Variants in CDH8 observed in about 807,000 individuals in gnomAD.
The protein encoded by CDH8 is cadherin-8.
A neutral mutation model predicts 68.1 loss-of-function variants in CDH8; 17 were observed. That is an observed-to-expected ratio of 0.25 (90% CI 0.17 to 0.37). CDH8 has a LOEUF of 0.37. Ranked by LOEUF, CDH8 falls within the 10% of genes least tolerant of loss-of-function variation. The pLI is 1.00. For synonymous variants in CDH8, 372 were observed against 365.1 expected, an observed-to-expected ratio of 1.02 and a Z score of -0.21; for missense variants, 763 against 999.3, an observed-to-expected ratio of 0.76 and a Z score of 3.19.
At chr16:61,818,598 G>A (rs926209699) in intron 6 of CDH8, among the ~76,000 whole-genome samples, 3 of 152,140 alleles carry the variant, frequency 2.0e-5, no homozygotes, top group Non-Finnish European at 4.4e-5. Context: ...CAATGACCTA[G>A]GTAAGTAAAG....
intron 2 of CDH8, among the ~76,000 whole-genome samples, chr16:61,981,170 C>A (rs559935816): frequency 9.2e-5 from 14 of 152,046 alleles, no homozygotes; most frequent in African/African-American, 2.4e-4. Context: ...GGCAACAGAA[C>A]CAGTCAGATT....
At chr16:61,824,918 C>T (rs1962294512) in intron 5 of CDH8, 94 bp downstream of exon 5, 2 of 1,041,150 alleles carry the variant, frequency 1.9e-6, no homozygotes, top group East Asian at 2.6e-5. Flanking sequence ...TCAATAGTTG[C>T]TGTCAGGTTT....
chr16:61,851,361 T>C (rs1460078780), intron 4 of CDH8, among the ~76,000 whole-genome samples: 1 of 152,088 alleles, frequency 6.6e-6, no homozygotes, highest in Admixed American at 6.6e-5. Context: ...AAAAGGTCAA[T>C]GAATTAACTT....
intron 4 of CDH8, among the ~76,000 whole-genome samples, chr16:61,832,632 A>T (rs1962485443): frequency 6.6e-6 from 1 of 151,702 alleles, no homozygotes; most frequent in Admixed American, 6.6e-5. Context: ...CTGGTTACTC[A>T]TATTTTTAGT....
intron 3 of CDH8, among the ~76,000 whole-genome samples, chr16:61,897,244 A>G (rs1963883439): frequency 6.6e-6 from 1 of 152,000 alleles, no homozygotes; most frequent in Non-Finnish European, 1.5e-5. Flanking sequence ...AAGGCACTTC[A>G]TTACGTAGCT....
At chr16:61,903,479 G>A (rs1188505002) in intron 2 of CDH8, among the ~76,000 whole-genome samples, 6 of 152,044 alleles carry the variant, frequency 3.9e-5, no homozygotes, top group African/African-American at 9.7e-5. Context: ...GCCCGCCACG[G>A]CGCCCGGCTA....
chr16:61,999,724 T>G (rs2150595580), intron 2 of CDH8, among the ~76,000 whole-genome samples: 1 of 152,248 alleles, frequency 6.6e-6, no homozygotes, highest in African/African-American at 2.4e-5. Flanking sequence ...GATGTTTATA[T>G]TGTGCTCACT....
chr16:61,986,446 A>C (rs375396405), intron 2 of CDH8, among the ~76,000 whole-genome samples: 4 of 152,296 alleles, frequency 2.6e-5, no homozygotes, highest in African/African-American at 9.6e-5. Context: ...TGGTGATAAG[A>C]AACTCCCTAT....
chr16:61,674,540 T>C (rs1963860843), intron 10 of CDH8, among the ~76,000 whole-genome samples: 2 of 150,996 alleles, frequency 1.3e-5, no homozygotes, highest in Admixed American at 6.6e-5. Flanking sequence ...CAATAAGAAC[T>C]ATAGTGAAAT....
chr16:61,844,073 A>G (rs1597012536), intron 4 of CDH8, among the ~76,000 whole-genome samples: 1 of 152,044 alleles, frequency 6.6e-6, no homozygotes, highest in South Asian at 2.1e-4. Context: ...TGGCACATAT[A>G]CACCATGGAA....
intron 2 of CDH8, among the ~76,000 whole-genome samples, chr16:61,978,610 A>C (rs1304745160): frequency 6.6e-6 from 1 of 152,116 alleles, no homozygotes; most frequent in Non-Finnish European, 1.5e-5. Flanking sequence ...GTCAGGTTCT[A>C]AATGTGGCAG....
At chr16:61,721,099 C>T (rs926899330) in intron 9 of CDH8, among the ~76,000 whole-genome samples, 8 of 150,448 alleles carry the variant, frequency 5.3e-5, no homozygotes, top group African/African-American at 1.9e-4. Flanking sequence ...GTTCAAGCTC[C>T]AAACCCTCCA....
Position 61,703,301 on chromosome 16 carries a change from C to T in CDH8, c.1654+10540G>A, listed in dbSNP as rs367757559. 2.9e-4 allele frequency among the ~76,000 whole-genome samples: 44 copies of T among 152,156 alleles called. No homozygotes were observed. In the South Asian group the frequency reaches 8.7e-3, roughly 30 times the overall value. On this transcript the variant is annotated intron_variant, in intron 10 of 11. Transcript: ENST00000577390. ...AGATAGTTTTTTCTTCTCCTTTCTT[C>T]CCTACCTACTCAACATGTGAACTTC...
intron 9 of CDH8, among the ~76,000 whole-genome samples, chr16:61,721,134 G>C (rs554838470): frequency 3.9e-4 from 59 of 150,642 alleles, no homozygotes; most frequent in African/African-American, 1.3e-3. Context: ...ACTTTGCTTT[G>C]CTTTTCTGTC....
intron 10 of CDH8, among the ~76,000 whole-genome samples, chr16:61,676,824 T>G (rs757752409): frequency 3.9e-5 from 6 of 152,032 alleles, no homozygotes; most frequent in Non-Finnish European, 8.8e-5. Flanking sequence ...AACATTTCCA[T>G]CATCCCCCAA....
intron 3 of CDH8, among the ~76,000 whole-genome samples, chr16:61,863,241 T>C (rs1477710882): frequency 2.0e-5 from 3 of 152,186 alleles, no homozygotes; most frequent in Non-Finnish European, 4.4e-5. Flanking sequence ...CGGATTTTAA[T>C]TAACAAAAGG....
chr16:61,780,158 T>C (rs771120047), intron 8 of CDH8, among the ~76,000 whole-genome samples: 2 of 152,242 alleles, frequency 1.3e-5, no homozygotes, highest in African/African-American at 4.8e-5. Context: ...TTTCTCATTG[T>C]TTTCATTATT....
At chr16:61,753,564 T>C (rs2142952811) in intron 8 of CDH8, among the ~76,000 whole-genome samples, 1 of 152,288 alleles carries the variant, frequency 6.6e-6, no homozygotes, top group Admixed American at 6.5e-5. Context: ...CTAATAGATG[T>C]TAAGTATTCC....
At chr16:61,665,752 T>TTTCCTTCC (rs35414891) in intron 10 of CDH8, among the ~76,000 whole-genome samples, 15,365 of 99,470 alleles carry the variant, frequency 0.15, 1,668 homozygotes, top group Admixed American at 0.2. Context: ...CTGAATTTAT[T>TTTCCTTCC]TTCCTTCCTT....
Sources: allele counts gnomAD v4.1 joint callset (sites outside exome capture counted in the v4.1 genomes callset), GRCh38; gene constraint gnomAD v4.1.1; transcripts MANE v1.5; gene names NCBI Gene and HGNC (gene_info 2026-07-23, HGNC 2026-07-21).